The following ATAD3B variants were observed in gnomAD, a reference collection of about 807,000 sequenced individuals.
The protein encoded by ATAD3B is ATPase family AAA domain-containing protein 3B.
In ATAD3B, 59 loss-of-function variants were observed where a neutral mutation model predicts 70.2. The observed-to-expected ratio is 0.84, with a 90% CI of 0.68 to 1.04. ATAD3B has a LOEUF of 1.04. Among genes scored for constraint, ATAD3B ranks in the 50% least tolerant of loss-of-function variants. The probability of loss-of-function intolerance (pLI) is 0.00; values close to 1 mark genes in which losing one functional copy is unlikely to be tolerated. For missense variants in ATAD3B, 961 were observed against 913.4 expected (o/e 1.05, Z -0.67); for synonymous variants, 423 against 388.6 (o/e 1.09, Z -1.04).
chr1:1,482,770 C>G (rs1156435628), intron 7 of ATAD3B, 156 bp downstream of exon 7: 3 of 1,236,656 alleles, frequency 2.4e-6, no homozygotes, highest in African/African-American at 3.0e-5. Flanking sequence ...CTCGGCTGCT[C>G]CTCCCTCCTT....
At chr1:1,472,119 C>CGGGGCGGGA (rs1328585653) in intron 1 of ATAD3B, 30 bp downstream of exon 1, 1 of 212,310 alleles carries the variant, frequency 4.7e-6, no homozygotes, top group African/African-American at 3.7e-5. Context: ...GCGGGGCGGG[C>CGGGGCGGGA]GGGCGGGCGG....
chr1:1,496,238 G>A lies in ATAD3B; in HGVS notation c.*421G>A, dbSNP rs1023429487. On this transcript the variant is annotated 3_prime_UTR_variant, in exon 16 of 16. Transcript: ENST00000673477. ...TCTCTATTGACTGACACTGCTCGGG[G>A]TTTCAGGGGCGCCCTAGCGTCCTCC... 4.3e-5 allele frequency: 43 copies of A among 998,830 alleles called. No homozygotes were observed. Among genetic ancestry groups the A allele is most frequent in the Middle Eastern group, 5.1e-4 (1 of 1,980 alleles). The allele number at this position is 998,830 out of a possible 1,614,324, so 61.9% of individuals were successfully genotyped here. A position where few individuals can be genotyped will look rare whatever the true frequency, so the allele number is the denominator to read the frequency against.
the ATAD3B span, chr1:1,503,710 G>C: frequency 3.1e-6 from 5 of 1,602,338 alleles, no homozygotes; most frequent in South Asian, 4.4e-5. Context: ...CATGGGGTTC[G>C]GGCATGGAGA....
At chr1:1,494,663 G>A (rs1640692668) in intron 15 of ATAD3B, among the ~76,000 whole-genome samples, 1 of 152,006 alleles carries the variant, frequency 6.6e-6, no homozygotes, top group African/African-American at 2.4e-5. Context: ...TGTTGTGGGA[G>A]GATGGTGTGC....
chr1:1,484,138 C>T (rs1002825046), intron 7 of ATAD3B: 2 of 151,832 alleles, frequency 1.3e-5, no homozygotes, highest in African/African-American at 4.8e-5. Flanking sequence ...TTCCGAATAA[C>T]GAAAGTTTTT....
chr1:1,478,572 C>T (rs772040257), intron 2 of ATAD3B, 72 bp from the exon 3 acceptor site: 4 of 1,550,514 alleles, frequency 2.6e-6, no homozygotes, highest in East Asian at 2.4e-5. Flanking sequence ...CGGAGCTGTG[C>T]AGACACAGGA....
In ATAD3B at chr1:1,485,778, G is replaced by A. The variant is rs754788690; in HGVS notation, c.907-4G>A. ...CAATGGTGCTTCCCCTTCCCCTCCG[G>A]CAGGTCAGCCGGCGGCTCCTCAGTC... is the stretch of plus-strand genomic sequence containing the variant. On this transcript the variant is annotated splice_polypyrimidine_tract_variant and splice_region_variant and intron_variant, in intron 8 of 15. Transcript: ENST00000673477. 1.9e-6 allele frequency: 3 copies of A among 1,612,804 alleles called. No individual in the cohort carries two copies. The highest frequency in any genetic ancestry group is 1.7e-5 in the Admixed American group (1 of 59,926).
At position 1,497,591 on chromosome 1, in the gene ATAD3B, G is replaced by A. The variant is rs1304437824; in HGVS notation, c.*1774G>A. On this transcript the variant is annotated 3_prime_UTR_variant, in exon 16 of 16. Transcript: ENST00000673477. The stretch of plus-strand genomic sequence containing the variant: ...TTAAAATTAAGCCAGGTTAGACTGG[G>A]CTAGGTGGCTCACGCCTGTAATCCC... 3 of 151,674 alleles carry A rather than the reference G, an allele frequency of 2.0e-5. No homozygotes were observed. Among genetic ancestry groups the A allele is most frequent in the African/African-American group, 7.3e-5 (3 of 41,104 alleles). The allele number at this position is 151,674 out of a possible 1,614,324, so 9.4% of individuals were successfully genotyped here. A position where few individuals can be genotyped will look rare whatever the true frequency, so the allele number is the denominator to read the frequency against.
At chr1:1,503,387 A>G in the ATAD3B span, 1 of 603,990 alleles carries the variant, frequency 1.7e-6, no homozygotes, top group East Asian at 3.0e-5. Flanking sequence ...AAAACCTCAC[A>G]AATGCATCAG....
chr1:1,495,269 A>G (rs569350392), intron 15 of ATAD3B, among the ~76,000 whole-genome samples: 1 of 151,958 alleles, frequency 6.6e-6, no homozygotes, highest in East Asian at 1.9e-4. Flanking sequence ...GAGCAACAGC[A>G]GTGCTGAGGA....
At chr1:1,480,189 ACCCCCCACCC>A (rs1434915478) in intron 4 of ATAD3B, among the ~76,000 whole-genome samples, 1 of 61,468 alleles carries the variant, frequency 1.6e-5, no homozygotes, top group African/African-American at 7.1e-5. Flanking sequence ...GCACACCCCC[ACCCCCCACCC>A]CCACACACCC....
At chr1:1,485,680 G>A in intron 8 of ATAD3B, 102 bp from the exon 9 acceptor site, 4 of 1,538,960 alleles carry the variant, frequency 2.6e-6, no homozygotes, top group Non-Finnish European at 3.5e-6. Flanking sequence ...TGTGCTTTGG[G>A]GCAGCTCCGT....
At chr1:1,489,835 G>A in intron 13 of ATAD3B, 10 of 1,242,056 alleles carry the variant, frequency 8.1e-6, no homozygotes, top group Non-Finnish European at 8.3e-6. Flanking sequence ...AGGCAAGGCT[G>A]GGGCCCTGCT....
intron 8 of ATAD3B, 109 bp from the exon 9 acceptor site, chr1:1,485,673 G>A: frequency 6.6e-7 from 1 of 1,524,754 alleles, no homozygotes; most frequent in Non-Finnish European, 8.9e-7. Context: ...TCCTGGCTGT[G>A]CTTTGGGGCA....
At chr1:1,479,341 C>T (rs1325541493) in intron 4 of ATAD3B, among the ~76,000 whole-genome samples, 1 of 147,688 alleles carries the variant, frequency 6.8e-6, no homozygotes, top group Non-Finnish European at 1.5e-5. Flanking sequence ...CACAGACACA[C>T]ACTCCTCGCA....
chr1:1,487,554 G>T (rs1044281386), intron 11 of ATAD3B, among the ~76,000 whole-genome samples: 3 of 151,894 alleles, frequency 2.0e-5, no homozygotes, highest in African/African-American at 7.3e-5. Context: ...CGCTGTGTGG[G>T]TGAAACCTGC....
Position 1,472,040 on chromosome 1 carries a change from C to T in ATAD3B, c.156C>T (p.Pro52=). Reference sequence around the variant, plus strand: ...AGGACAAATGGAGCAACTTCGACCCCACCGGCCTGGAGCGCGCCGCCAAGG... The same window carrying T: ...AGGACAAATGGAGCAACTTCGACCCTACCGGCCTGGAGCGCGCCGCCAAGG... ...APKDKWSNFD[P]TGLERAAKAA... The change falls in exon 1 of 16, where the codon CCC becomes CCT. Residue 52 remains proline (P), a synonymous_variant. Coordinates refer to ENST00000673477, the MANE Select transcript of ATAD3B (RefSeq NM_031921.6). 2 of 1,233,254 alleles carry T rather than the reference C, an allele frequency of 1.6e-6. No homozygotes were observed. Among genetic ancestry groups the T allele is most frequent in the Non-Finnish European group, 1.0e-6 (1 of 985,634 alleles). The allele number at this position is 1,233,254 out of a possible 1,614,324, so 76.4% of individuals were successfully genotyped here.
At chr1:1,475,115 C>T (rs529899470) in intron 1 of ATAD3B, among the ~76,000 whole-genome samples, 51 of 148,264 alleles carry the variant, frequency 3.4e-4, no homozygotes, top group African/African-American at 1.0e-3. Context: ...CTGGCGGCCC[C>T]GGAGCTCCTG....
At position 1,473,813 on chromosome 1, in the gene ATAD3B, AAAG is replaced by A. The variant is rs566768828; in HGVS notation, c.205+1729_205+1731del. 5.4e-3 allele frequency among the ~76,000 whole-genome samples: 824 copies of A among 152,084 alleles called. 11 individuals are homozygous for A. Among genetic ancestry groups the A allele is most frequent in the Non-Finnish European group, 5.4e-3 (364 of 67,928 alleles). The stretch of plus-strand genomic sequence containing the variant: ...CCTGCCAGCAGGGGTTCCTTTTTAG[AAAG>A]AAGATCATTTAGGGAATCCCTGGTG... On this transcript the variant is annotated intron_variant, in intron 1 of 15. Coordinates refer to ENST00000673477, the MANE Select transcript of ATAD3B (RefSeq NM_031921.6).
Sources: allele counts gnomAD v4.1 joint callset (sites outside exome capture counted in the v4.1 genomes callset), GRCh38; gene constraint gnomAD v4.1.1; transcripts MANE v1.5; gene names NCBI Gene and HGNC (gene_info 2026-07-23, HGNC 2026-07-21).